Variants in CCSER1 observed in about 807,000 individuals in gnomAD.
CCSER1 encodes the protein coiled-coil serine rich protein 1, also known as serine-rich coiled-coil domain-containing protein 1.
A neutral mutation model predicts 82.0 loss-of-function variants in CCSER1; 41 were observed. The observed-to-expected ratio is 0.50, with a 90% CI of 0.39 to 0.65. CCSER1 has a LOEUF of 0.65. CCSER1 is among the 30% of genes least tolerant of loss of function. The pLI is 0.00. For synonymous variants in CCSER1, 414 were observed against 383.9 expected, an observed-to-expected ratio of 1.08 and a Z score of -0.92; for missense variants, 1,119 against 1,064.2, an observed-to-expected ratio of 1.05 and a Z score of -0.72.
rs1743640761 is a variant in CCSER1 at position 91,290,225 on chromosome 4, G to A, written c.2217+204231G>A. On this transcript the variant is annotated intron_variant, in intron 10 of 10. Transcript: ENST00000509176. The stretch of plus-strand genomic sequence containing the variant: ...ACCTGCACTATGAGAAATGTTAAGG[G>A]AAGAAATTAACACTGGGAGTGGAAT... Among the ~76,000 whole-genome samples, 3 of 152,090 alleles carry A rather than the reference G, an allele frequency of 2.0e-5. No individual in the cohort carries two copies. The South Asian group carries it at 6.2e-4, about 32-fold the overall frequency.
chr4:91,099,432 A>G (rs1724835993), intron 10 of CCSER1, among the ~76,000 whole-genome samples: 1 of 152,206 alleles, frequency 6.6e-6, no homozygotes, highest in South Asian at 2.1e-4. Flanking sequence ...CGATCTTTAT[A>G]CTTATTGTCA....
chr4:90,486,718 A>G (rs1438471273), intron 5 of CCSER1, among the ~76,000 whole-genome samples: 2 of 152,110 alleles, frequency 1.3e-5, no homozygotes, highest in Non-Finnish European at 2.9e-5. Flanking sequence ...ATAGATAAAA[A>G]CTGCTTTTTT....
intron 6 of CCSER1, among the ~76,000 whole-genome samples, chr4:90,648,296 A>AGAAAG (rs762879343): frequency 9.6e-4 from 139 of 144,328 alleles, no homozygotes; most frequent in East Asian, 3.5e-3. Context: ...AAAGAAAGAA[A>AGAAAG]GAAAGAAAGA....
chr4:90,992,365 A>C (rs1335295290), intron 9 of CCSER1, among the ~76,000 whole-genome samples: 1 of 152,214 alleles, frequency 6.6e-6, no homozygotes, highest in Non-Finnish European at 1.5e-5. Flanking sequence ...AAATTAAATT[A>C]TAGATATCTT....
chr4:91,079,312 T>C (rs1379065015), intron 9 of CCSER1, among the ~76,000 whole-genome samples: 1 of 152,196 alleles, frequency 6.6e-6, no homozygotes, highest in Admixed American at 6.5e-5. Context: ...GAATTTCATA[T>C]TCAGCCAAAC....
intron 1 of CCSER1, among the ~76,000 whole-genome samples, chr4:90,255,725 G>C (rs2153445143): frequency 6.6e-6 from 1 of 152,196 alleles, no homozygotes; most frequent in East Asian, 1.9e-4. Context: ...ATCATCCAAA[G>C]AGGTGTAAAA....
At chr4:90,375,004 C>A (rs1489332195) in intron 3 of CCSER1, among the ~76,000 whole-genome samples, 1 of 152,172 alleles carries the variant, frequency 6.6e-6, no homozygotes, top group Non-Finnish European at 1.5e-5. Flanking sequence ...AATTCTCACT[C>A]TACTCCCTTC....
At chr4:90,660,148 A>G (rs1235018179) in intron 6 of CCSER1, among the ~76,000 whole-genome samples, 1 of 152,092 alleles carries the variant, frequency 6.6e-6, no homozygotes, top group Admixed American at 6.6e-5. Context: ...TAAGTATATA[A>G]CTACCATTTG....
chr4:91,278,580 T>C (rs776827354), intron 10 of CCSER1, among the ~76,000 whole-genome samples: 11 of 152,274 alleles, frequency 7.2e-5, no homozygotes, highest in Non-Finnish European at 1.2e-4. Context: ...GTGAGTTTCT[T>C]ACAGGCATTG....
chr4:91,320,091 G>A, intron 10 of CCSER1, among the ~76,000 whole-genome samples: 1 of 151,970 alleles, frequency 6.6e-6, no homozygotes, highest in Non-Finnish European at 1.5e-5. Context: ...TATCAGATCA[G>A]CTGTCTCTGT....
At chr4:90,724,674 C>T (rs951676939) in intron 7 of CCSER1, 2 of 371,006 alleles carry the variant, frequency 5.4e-6, no homozygotes, top group African/African-American at 4.3e-5. Flanking sequence ...AAAAACAATT[C>T]TTAAGAGCCT....
At position 90,534,350 on chromosome 4, in the gene CCSER1, T is replaced by C. The variant is rs539038709; in HGVS notation, c.1724+65996T>C. ...TTCACCATGTTAGCCAGTATGGTCT[T>C]GATCTTCTGACCTCGTGATCCGCCC... On this transcript the variant is annotated intron_variant, in intron 5 of 10. Coordinates refer to ENST00000509176, the MANE Select transcript of CCSER1 (RefSeq NM_001145065.2). Among the ~76,000 whole-genome samples the C allele has an allele frequency of 4.0e-3, 613 of 152,078 alleles. 5 individuals are homozygous for C. Among genetic ancestry groups the C allele is most frequent in the African/African-American group, 0.014 (566 of 41,482 alleles).
chr4:90,268,693 T>C (rs1725690375), intron 1 of CCSER1, among the ~76,000 whole-genome samples: 1 of 152,088 alleles, frequency 6.6e-6, no homozygotes, highest in Non-Finnish European at 1.5e-5. Flanking sequence ...AGTAAGTCCT[T>C]ACTTATCAAT....
intron 9 of CCSER1, among the ~76,000 whole-genome samples, chr4:90,990,205 A>G (rs1427568274): frequency 6.6e-6 from 1 of 151,842 alleles, no homozygotes; most frequent in Non-Finnish European, 1.5e-5. Flanking sequence ...AATATCTCCC[A>G]AGTTTCTGGG....
intron 10 of CCSER1, among the ~76,000 whole-genome samples, chr4:91,129,439 A>AG (rs1250900740): frequency 1.4e-5 from 2 of 146,612 alleles, no homozygotes; most frequent in African/African-American, 5.1e-5. Flanking sequence ...GAAAGTAACA[A>AG]GGTAAGATCT....
At chr4:90,471,753 T>A (rs1764438264) in intron 5 of CCSER1, among the ~76,000 whole-genome samples, 1 of 150,504 alleles carries the variant, frequency 6.6e-6, no homozygotes, top group African/African-American at 2.4e-5. Flanking sequence ...GGCGGGCGGA[T>A]CACTTGAGGT....
chr4:91,103,952 A>ATTAT (rs1326568559), intron 10 of CCSER1, among the ~76,000 whole-genome samples: 4 of 152,116 alleles, frequency 2.6e-5, no homozygotes, highest in Non-Finnish European at 5.9e-5. Context: ...AGCAAGGAAT[A>ATTAT]TTAATATTAA....
At chr4:90,653,537 A>G (rs1729165315) in intron 6 of CCSER1, among the ~76,000 whole-genome samples, 1 of 152,176 alleles carries the variant, frequency 6.6e-6, no homozygotes, top group South Asian at 2.1e-4. Context: ...ATTTATATTA[A>G]TAATATTTTA....
At chr4:91,286,504 T>C (rs1743287782) in intron 10 of CCSER1, among the ~76,000 whole-genome samples, 1 of 151,824 alleles carries the variant, frequency 6.6e-6, no homozygotes, top group African/African-American at 2.4e-5. Context: ...GATGGGTTTA[T>C]GTTTTAAAAT....
Sources: gnomAD v4.1 joint callset for allele counts (sites outside exome capture counted in the v4.1 genomes callset) on GRCh38, gnomAD v4.1.1 for gene constraint, MANE v1.5 for transcripts, NCBI Gene and HGNC (gene_info 2026-07-23, HGNC 2026-07-21) for gene names.